SIAH2: variants seen among roughly 807,000 people sequenced by gnomAD.
SIAH2 encodes siah E3 ubiquitin protein ligase 2.
A neutral mutation model predicts 20.4 loss-of-function variants in SIAH2; 4 were observed. The ratio of observed to expected loss-of-function variants is 0.20; its 90% confidence interval spans 0.10 to 0.45. The LOEUF (loss-of-function observed/expected upper bound fraction) is 0.45, where lower values mean the gene tolerates loss of function less well. Ranked by LOEUF, SIAH2 falls within the 20% of genes least tolerant of loss-of-function variation. SIAH2 has a pLI of 0.99. For missense variants in SIAH2, 259 were observed against 440.3 expected (o/e 0.59, Z 3.69); for synonymous variants, 171 against 192.5 (o/e 0.89, Z 0.93).
chr3:150,746,179 A>G (rs1240280635), intron 1 of SIAH2, among the ~76,000 whole-genome samples: 1 of 152,078 alleles, frequency 6.6e-6, no homozygotes, highest in Non-Finnish European at 1.5e-5. Flanking sequence ...GGATCACTTG[A>G]GGTCAGGAGT....
chr3:150,761,698 G>T (rs1329165595), intron 1 of SIAH2, among the ~76,000 whole-genome samples: 1 of 152,056 alleles, frequency 6.6e-6, no homozygotes, highest in Non-Finnish European at 1.5e-5. Context: ...TTTCGCAAGG[G>T]CATTGAAAAC....
At chr3:150,745,277 ACC>A (rs1553759391) in intron 1 of SIAH2, among the ~76,000 whole-genome samples, 2 of 128,926 alleles carry the variant, frequency 1.6e-5, no homozygotes, top group Admixed American at 8.0e-5. Flanking sequence ...ACACACACAC[ACC>A]CCACATTTCA....
In SIAH2 at chr3:150,762,103, T is replaced by G; in HGVS notation, c.417+330A>C. The stretch of plus-strand genomic sequence containing the variant: ...CACACAGTCAGTTTCTCGGTCCAAG[T>G]TTTACTGGTGCGGCCCAGCCCTACC... On this transcript the variant is annotated intron_variant, in intron 1 of 1. Transcript: ENST00000312960. This position sits in a 1 kb window ranked among gnomAD's most constrained non-coding sequence, Gnocchi z 6.6. 1 of 313,626 alleles carries G rather than the reference T, an allele frequency of 3.2e-6. No homozygotes were observed. Among genetic ancestry groups the G allele is most frequent in the East Asian group, 1.0e-4 (1 of 9,972 alleles). The allele number at this position is 313,626 out of a possible 1,614,324, so 19.4% of individuals were successfully genotyped here.
Position 150,762,219 on chromosome 3 carries a change from G to T in SIAH2, c.417+214C>A. 2.0e-6 allele frequency: 2 copies of T among 988,216 alleles called. No homozygotes were observed. Among genetic ancestry groups the T allele is most frequent in the Non-Finnish European group, 2.8e-6 (2 of 702,254 alleles). 61.2% of individuals were successfully genotyped at this position (988,216 alleles called of 1,614,324 possible). A position where few individuals can be genotyped will look rare whatever the true frequency, so the allele number is the denominator to read the frequency against. Reference sequence around the variant, plus strand: ...ACGATCAGCAAATGCCAATTAATCTGTTAATTGTCTATTAACAATTATTAC... The same window carrying T: ...ACGATCAGCAAATGCCAATTAATCTTTTAATTGTCTATTAACAATTATTAC... On this transcript the variant is annotated intron_variant, in intron 1 of 1. Coordinates refer to ENST00000312960, the MANE Select transcript of SIAH2 (RefSeq NM_005067.7). This position sits in a 1 kb window ranked among gnomAD's most constrained non-coding sequence, Gnocchi z 6.6.
chr3:150,746,120 C>T (rs574103872), intron 1 of SIAH2, among the ~76,000 whole-genome samples: 1 of 151,954 alleles, frequency 6.6e-6, no homozygotes, highest in African/African-American at 2.4e-5. Flanking sequence ...GGAGGCCAGG[C>T]GCGCTGCTCA....
At chr3:150,752,139 G>A (rs1714385717) in intron 1 of SIAH2, among the ~76,000 whole-genome samples, 1 of 152,170 alleles carries the variant, frequency 6.6e-6, no homozygotes, top group Non-Finnish European at 1.5e-5. Flanking sequence ...TATGCCATGT[G>A]ACCAGTACCA....
chr3:150,759,643 G>A (rs1576584173), intron 1 of SIAH2, among the ~76,000 whole-genome samples: 1 of 151,624 alleles, frequency 6.6e-6, no homozygotes, highest in Non-Finnish European at 1.5e-5. Context: ...TGTGTGATTT[G>A]ACAAGTCACT....
At chr3:150,755,152 G>A (rs1353271979) in intron 1 of SIAH2, among the ~76,000 whole-genome samples, 5 of 152,072 alleles carry the variant, frequency 3.3e-5, no homozygotes, top group African/African-American at 7.2e-5. Context: ...TGGGGCTGGA[G>A]TTGGGATTTG....
intron 1 of SIAH2, among the ~76,000 whole-genome samples, chr3:150,753,269 A>T (rs1576582435): frequency 6.6e-6 from 1 of 152,090 alleles, no homozygotes; most frequent in African/African-American, 2.4e-5. Context: ...GGGTTGTGGG[A>T]AGGAGAGGGC....
At chr3:150,745,425 G>A (rs1176978782) in intron 1 of SIAH2, among the ~76,000 whole-genome samples, 3 of 152,070 alleles carry the variant, frequency 2.0e-5, no homozygotes, top group Non-Finnish European at 4.4e-5. Flanking sequence ...AAGACTGTAT[G>A]TAAAACTGTC....
chr3:150,754,462 G>A (rs1041321821), intron 1 of SIAH2, among the ~76,000 whole-genome samples: 2 of 152,114 alleles, frequency 1.3e-5, no homozygotes, highest in Non-Finnish European at 2.9e-5. Flanking sequence ...CCACCCCCAA[G>A]ATCCAACCAC....
At chr3:150,747,581 A>G (rs1361523757) in intron 1 of SIAH2, among the ~76,000 whole-genome samples, 1 of 152,182 alleles carries the variant, frequency 6.6e-6, no homozygotes, top group Non-Finnish European at 1.5e-5. Flanking sequence ...CCCAGGGGGA[A>G]TTAGTTTTAA....
intron 1 of SIAH2, among the ~76,000 whole-genome samples, chr3:150,745,642 C>T (rs185186009): frequency 6.6e-6 from 1 of 152,080 alleles, no homozygotes; most frequent in Non-Finnish European, 1.5e-5. Context: ...ACTACAGGTG[C>T]CTGCCACCAC....
At chr3:150,748,351 A>T (rs1411803756) in intron 1 of SIAH2, among the ~76,000 whole-genome samples, 1 of 152,240 alleles carries the variant, frequency 6.6e-6, no homozygotes, top group Non-Finnish European at 1.5e-5. Flanking sequence ...CAGTCACATT[A>T]TGTTTACTTA....
At chr3:150,758,014 G>A (rs1307076449) in intron 1 of SIAH2, among the ~76,000 whole-genome samples, 1 of 152,148 alleles carries the variant, frequency 6.6e-6, no homozygotes, top group East Asian at 1.9e-4. Flanking sequence ...GAGGCCATGA[G>A]TGCATCAAAT....
At chr3:150,746,668 G>T (rs895380513) in intron 1 of SIAH2, among the ~76,000 whole-genome samples, 1 of 152,206 alleles carries the variant, frequency 6.6e-6, no homozygotes, top group Non-Finnish European at 1.5e-5. Context: ...CAAATGTCAC[G>T]TAGGGGGCAA....
intron 1 of SIAH2, among the ~76,000 whole-genome samples, chr3:150,757,799 T>C (rs1227145789): frequency 1.3e-5 from 2 of 151,242 alleles, no homozygotes; most frequent in African/African-American, 2.4e-5. Flanking sequence ...CTGGGCAACA[T>C]AGTGAGATGA....
chr3:150,754,852 G>A (rs534101840), intron 1 of SIAH2, among the ~76,000 whole-genome samples: 1 of 152,006 alleles, frequency 6.6e-6, no homozygotes, highest in African/African-American at 2.4e-5. Flanking sequence ...CCTCATCACT[G>A]AAAAACCAAT....
At chr3:150,750,878 G>A (rs941908117) in intron 1 of SIAH2, among the ~76,000 whole-genome samples, 2 of 152,154 alleles carry the variant, frequency 1.3e-5, no homozygotes. Flanking sequence ...TGTGTGACCT[G>A]GAGCCTACCA....
Sources: gnomAD v4.1 joint callset for allele counts (sites outside exome capture counted in the v4.1 genomes callset) on GRCh38, gnomAD v4.1.1 for gene constraint, Gnocchi (gnomAD v3.1) non-coding constraint, MANE v1.5 for transcripts, NCBI Gene and HGNC (gene_info 2026-07-23, HGNC 2026-07-21) for gene names.